Variants in AGMO observed in about 807,000 individuals in gnomAD.
The protein encoded by AGMO is alkylglycerol monooxygenase.
In AGMO, 75 loss-of-function variants were observed where a neutral mutation model predicts 60.2. The ratio of observed to expected loss-of-function variants is 1.25; its 90% CI spans 1.03 to 1.51. The LOEUF (loss-of-function observed/expected upper bound fraction) is 1.51. Ranked by LOEUF, AGMO falls within the 40% of genes most tolerant of loss-of-function variation. The pLI, the probability that AGMO is intolerant of heterozygous loss-of-function variation, is 0.00. For missense variants in AGMO, 763 were observed against 525.5 expected, an observed-to-expected ratio of 1.45 and a Z score of -4.42; for synonymous variants, 261 against 177.1, an observed-to-expected ratio of 1.47 and a Z score of -3.76.
chr7:15,418,426 G>A, intron 5 of AGMO, 132 bp downstream of exon 5: 1 of 614,004 alleles, frequency 1.6e-6, no homozygotes. Flanking sequence ...GAATAAAAAT[G>A]AACAGATGTT....
chr7:15,561,215 G>A (rs755920940), intron 1 of AGMO, among the ~76,000 whole-genome samples: 3 of 152,112 alleles, frequency 2.0e-5, no homozygotes, highest in Non-Finnish European at 4.4e-5. Context: ...GTGCCTCTGA[G>A]CACTTCAGAG....
chr7:15,134,520 T>C, the AGMO span, among the ~76,000 whole-genome samples: 4 of 152,166 alleles, frequency 2.6e-5, no homozygotes, highest in Non-Finnish European at 5.9e-5. Flanking sequence ...GCACCCAAAG[T>C]TTAGCTCCCA....
rs1784239068 is a variant in AGMO at position 15,529,653 on chromosome 7, ATTCT to A, written c.409+15115_409+15118del. The stretch of plus-strand genomic sequence containing the variant: ...TATAGAATATATATATATACTATAT[ATTCT>A]ATATATATTCTATATATATTCTATA... On this transcript the variant is annotated intron_variant, in intron 3 of 12. Transcript: ENST00000342526. Among the ~76,000 whole-genome samples, 2 of 27,462 alleles carry A rather than the reference ATTCT, an allele frequency of 7.3e-5. 1 individual carries two copies. Among genetic ancestry groups the A allele is most frequent in the Non-Finnish European group, 1.5e-4 (2 of 13,078 alleles). 18.0% of individuals were successfully genotyped at this position (27,462 alleles called of 152,430 possible).
Position 15,531,487 on chromosome 7 carries a change from T to TTCTATATATATTC in AGMO, c.409+13272_409+13284dup, listed in dbSNP as rs1562557413. On this transcript the variant is annotated intron_variant, in intron 3 of 12. Transcript: ENST00000342526. ...ATTCTATATATATTCTCTATATATA[T>TTCTATATATATTC]TCTATATATATTCTATATATATTCT... Among the ~76,000 whole-genome samples, 12 of 11,900 alleles carry TTCTATATATATTC rather than the reference T, an allele frequency of 1.0e-3. 1 individual carries two copies. The highest frequency in any genetic ancestry group is 1.8e-3 in the Non-Finnish European group (12 of 6,568). The allele number at this position is 11,900 out of a possible 152,430, so 7.8% of individuals were successfully genotyped here.
intron 5 of AGMO, among the ~76,000 whole-genome samples, chr7:15,406,724 T>G (rs956334967): frequency 4.3e-5 from 3 of 70,362 alleles, no homozygotes; most frequent in African/African-American, 1.9e-4. Flanking sequence ...TATATATGTA[T>G]ATACACACAT....
chr7:15,356,271 T>C (rs530498884), intron 12 of AGMO, among the ~76,000 whole-genome samples: 15 of 151,882 alleles, frequency 9.9e-5, no homozygotes, highest in East Asian at 5.8e-4. Flanking sequence ...TATTGCAGCA[T>C]TGCAATAGAA....
chr7:15,515,971 A>G (rs1173513201), intron 3 of AGMO, among the ~76,000 whole-genome samples: 1 of 152,184 alleles, frequency 6.6e-6, no homozygotes, highest in Non-Finnish European at 1.5e-5. Flanking sequence ...ATCGTACACC[A>G]TGGTGACTAC....
At chr7:15,266,507 A>G (rs1783437268) in intron 12 of AGMO, among the ~76,000 whole-genome samples, 1 of 152,042 alleles carries the variant, frequency 6.6e-6, no homozygotes, top group African/African-American at 2.4e-5. Flanking sequence ...CCCCCTGGAC[A>G]ATGCTTCATT....
At chr7:15,354,398 GTGTGTGTACAC>G (rs1563105246) in intron 12 of AGMO, among the ~76,000 whole-genome samples, 1,032 of 27,420 alleles carry the variant, frequency 0.038, 217 homozygotes, top group African/African-American at 0.28. Context: ...GTGTATACAC[GTGTGTGTACAC>G]ACGTGTGTGT....
chr7:15,441,956 T>A (rs371025880), intron 3 of AGMO, among the ~76,000 whole-genome samples: 177 of 152,322 alleles, frequency 1.2e-3, no homozygotes, highest in African/African-American at 4.0e-3. Flanking sequence ...TTGCTACTAA[T>A]CAGGACTTCC....
the AGMO span, among the ~76,000 whole-genome samples, chr7:15,192,605 G>C: frequency 1.3e-5 from 2 of 152,120 alleles, no homozygotes; most frequent in Non-Finnish European, 2.9e-5. Flanking sequence ...GGTACCAAGA[G>C]CGCAGGGTGT....
At position 15,406,929 on chromosome 7, in the gene AGMO, G is replaced by GCA. The variant is rs1784715414; in HGVS notation, c.609+11628_609+11629insTG. On this transcript the variant is annotated intron_variant, in intron 5 of 12. Transcript: ENST00000342526. ...AGGCCCCTTTGTTTGGAATACACAC[G>GCA]CGCACACACACACACACACACACGT... Among the ~76,000 whole-genome samples, 7 of 91,978 alleles carry GCA rather than the reference G, an allele frequency of 7.6e-5. No individual in the cohort carries two copies. The East Asian group carries it at 1.5e-3, about 20-fold the overall frequency. The allele number at this position is 91,978 out of a possible 152,430, so 60.3% of individuals were successfully genotyped here.
chr7:15,253,648 T>A (rs1436506806), intron 12 of AGMO, among the ~76,000 whole-genome samples: 1 of 152,222 alleles, frequency 6.6e-6, no homozygotes, highest in East Asian at 1.9e-4. Flanking sequence ...GATCAAGTCA[T>A]AATAATTAGT....
intron 5 of AGMO, among the ~76,000 whole-genome samples, chr7:15,400,263 T>C (rs908995388): frequency 1.3e-5 from 2 of 152,054 alleles, no homozygotes; most frequent in African/African-American, 2.4e-5. Flanking sequence ...CAAATTGGGG[T>C]GATTATCACC....
In AGMO at chr7:15,481,789, ATT is replaced by A. The variant is rs5882513; in HGVS notation, c.410-50683_410-50682del. ...TTATGCATTTTCTGGGACTAAATGT[ATT>A]TTTTTTTTTTTTTTTTTTTTGCTAA... On this transcript the variant is annotated intron_variant, in intron 3 of 12. Coordinates refer to ENST00000342526, the MANE Select transcript of AGMO (RefSeq NM_001004320.2). 7.1e-3 allele frequency among the ~76,000 whole-genome samples: 697 copies of A among 98,682 alleles called. 1 individual carries two copies. The highest frequency in any genetic ancestry group is 0.013 in the African/African-American group (338 of 26,882). 64.7% of individuals were successfully genotyped at this position (98,682 alleles called of 152,430 possible). A position where few individuals can be genotyped will look rare whatever the true frequency, so the allele number is the denominator to read the frequency against.
chr7:15,233,519 G>C (rs543121988), intron 12 of AGMO, among the ~76,000 whole-genome samples: 138 of 152,168 alleles, frequency 9.1e-4, no homozygotes, highest in African/African-American at 3.1e-3. Context: ...AGGTGGACTA[G>C]GGAGCTATTG....
chr7:15,368,640 T>C (rs1369929005), intron 10 of AGMO, among the ~76,000 whole-genome samples: 3 of 152,124 alleles, frequency 2.0e-5, no homozygotes, highest in African/African-American at 4.8e-5. Flanking sequence ...AAAAAGTCAA[T>C]TGATGGTCAT....
chr7:15,309,408 A>G (rs945264366), intron 12 of AGMO, among the ~76,000 whole-genome samples: 9 of 152,130 alleles, frequency 5.9e-5, no homozygotes, highest in Non-Finnish European at 1.2e-4. Flanking sequence ...AAATGTATCA[A>G]AAGAGTTATA....
chr7:15,479,777 T>A (rs189077651), intron 3 of AGMO, among the ~76,000 whole-genome samples: 121 of 152,290 alleles, frequency 7.9e-4, no homozygotes, highest in Non-Finnish European at 1.4e-3. Flanking sequence ...GGCTCTGCTC[T>A]TTGAGCATTT....
Sources: gnomAD v4.1 joint callset for allele counts (sites outside exome capture counted in the v4.1 genomes callset) on GRCh38, gnomAD v4.1.1 for gene constraint, MANE v1.5 for transcripts, NCBI Gene and HGNC (gene_info 2026-07-23, HGNC 2026-07-21) for gene names.